The following PTPRD variants were observed in gnomAD, a reference collection of about 807,000 sequenced individuals.
PTPRD encodes receptor-type tyrosine-protein phosphatase delta.
PTPRD carries 34 observed loss-of-function variants against 214.5 expected under a neutral mutation model. That is an observed-to-expected ratio of 0.16 (90% CI 0.12 to 0.21). The LOEUF is 0.21. Ranked by LOEUF, PTPRD falls within the 10% of genes least tolerant of loss-of-function variation. PTPRD has a pLI of 1.00. For synonymous variants in PTPRD, 1,128 were observed against 845.7 expected (o/e 1.33, Z -5.79); for missense variants, 2,545 against 2,398.7 (o/e 1.06, Z -1.27).
chr9:9,154,115 T>C (rs770189281), intron 10 of PTPRD, among the ~76,000 whole-genome samples: 3 of 152,142 alleles, frequency 2.0e-5, no homozygotes, highest in African/African-American at 4.8e-5. Context: ...ATGAGAAATG[T>C]ATGATCCTGG....
chr9:8,761,451 G>GTT (rs1293207683), intron 11 of PTPRD, among the ~76,000 whole-genome samples: 1 of 152,070 alleles, frequency 6.6e-6, no homozygotes, highest in African/African-American at 2.4e-5. Context: ...ACACAATATG[G>GTT]TTACTGTTTA....
intron 6 of PTPRD, among the ~76,000 whole-genome samples, chr9:9,764,365 TGA>T (rs1194141920): frequency 6.6e-6 from 1 of 152,200 alleles, no homozygotes; most frequent in Non-Finnish European, 1.5e-5. Flanking sequence ...CCCTTATGTA[TGA>T]CACACAAATC....
intron 8 of PTPRD, among the ~76,000 whole-genome samples, chr9:9,544,871 C>A (rs529297301): frequency 1.5e-3 from 227 of 150,564 alleles, no homozygotes; most frequent in African/African-American, 5.2e-3. Context: ...GAAATCTGAG[C>A]AAATTCTAGC....
At chr9:9,100,557 C>A (rs535521395) in intron 10 of PTPRD, among the ~76,000 whole-genome samples, 19 of 152,178 alleles carry the variant, frequency 1.2e-4, no homozygotes, top group African/African-American at 4.3e-4. Context: ...ATTGTTCAAG[C>A]AGATCATAGC....
intron 3 of PTPRD, among the ~76,000 whole-genome samples, chr9:10,118,851 G>A (rs1431054325): frequency 1.5e-5 from 2 of 132,196 alleles, no homozygotes; most frequent in Admixed American, 1.5e-4. Context: ...AGGTAAAGAA[G>A]CTGGGAAATA....
At chr9:10,295,933 A>G (rs1331705241) in intron 3 of PTPRD, among the ~76,000 whole-genome samples, 1 of 152,052 alleles carries the variant, frequency 6.6e-6, no homozygotes, top group Non-Finnish European at 1.5e-5. Context: ...ATCTCAGACT[A>G]ACTGTCCACA....
intron 11 of PTPRD, among the ~76,000 whole-genome samples, chr9:8,835,084 G>A (rs2097385662): frequency 6.6e-6 from 1 of 152,180 alleles, no homozygotes; most frequent in South Asian, 2.1e-4. Context: ...AAAGACAGTG[G>A]CATGGATTCA....
rs371549517 is a variant in PTPRD at position 10,181,997 on chromosome 9, T to C, written c.-544-148207A>G. Among the ~76,000 whole-genome samples, 103 of 143,130 alleles carry C rather than the reference T, an allele frequency of 7.2e-4. 2 individuals carry two copies. The South Asian group carries it at 0.02, about 28-fold the overall frequency. The allele number at this position is 143,130 out of a possible 152,430, so 93.9% of individuals were successfully genotyped here. Reference sequence around the variant, plus strand: ...ATGGCTGGGTGCAGTGGCTCACGCCTGTAATCCCAGCACTTTGTGAGGCCA... The same window carrying C: ...ATGGCTGGGTGCAGTGGCTCACGCCCGTAATCCCAGCACTTTGTGAGGCCA... On this transcript the variant is annotated intron_variant, in intron 3 of 45. Transcript: ENST00000381196.
chr9:8,392,221 A>C (rs1012293494), intron 36 of PTPRD, among the ~76,000 whole-genome samples: 12 of 152,166 alleles, frequency 7.9e-5, no homozygotes, highest in Non-Finnish European at 1.6e-4. Flanking sequence ...CTGTCTCTAC[A>C]AAAAAATAAA....
At chr9:10,218,674 G>C (rs1406291779) in intron 3 of PTPRD, among the ~76,000 whole-genome samples, 1 of 151,738 alleles carries the variant, frequency 6.6e-6, no homozygotes, top group Non-Finnish European at 1.5e-5. Context: ...AATAATTGGA[G>C]AGTATACTCC....
chr9:9,174,370 A>G (rs1171879068), intron 10 of PTPRD, among the ~76,000 whole-genome samples: 2 of 152,324 alleles, frequency 1.3e-5, no homozygotes, highest in South Asian at 2.1e-4. Flanking sequence ...GACAGAAATC[A>G]TCACAACTAT....
chr9:9,320,393 G>C (rs917499764), intron 9 of PTPRD, among the ~76,000 whole-genome samples: 1 of 152,062 alleles, frequency 6.6e-6, no homozygotes, highest in Admixed American at 6.6e-5. Flanking sequence ...TACACAAAAA[G>C]TTAAGCCTAT....
At chr9:9,787,431 A>G (rs2098933342) in intron 5 of PTPRD, among the ~76,000 whole-genome samples, 1 of 151,772 alleles carries the variant, frequency 6.6e-6, no homozygotes, top group African/African-American at 2.4e-5. Flanking sequence ...AAAAAAAAAA[A>G]AAAAAGGCCA....
At chr9:9,487,255 C>T (rs1023105708) in intron 8 of PTPRD, among the ~76,000 whole-genome samples, 9 of 151,748 alleles carry the variant, frequency 5.9e-5, no homozygotes, top group Non-Finnish European at 1.3e-4. Flanking sequence ...GTTCCCCTTC[C>T]TGTGTCCAAG....
chr9:9,421,923 G>C (rs756325442), intron 8 of PTPRD, among the ~76,000 whole-genome samples: 9 of 151,030 alleles, frequency 6.0e-5, no homozygotes, highest in Admixed American at 3.3e-4. Flanking sequence ...GAAAAGAATG[G>C]AGAATAAAAA....
At chr9:8,404,699 C>T (rs1354644345) in intron 35 of PTPRD, 39 bp from the exon 36 acceptor site, 17 of 1,571,562 alleles carry the variant, frequency 1.1e-5, no homozygotes, top group Non-Finnish European at 1.4e-5. Flanking sequence ...AAAATCAATA[C>T]TGAAAACCAC....
chr9:9,589,476 T>C (rs1335829546), intron 7 of PTPRD, among the ~76,000 whole-genome samples: 1 of 152,050 alleles, frequency 6.6e-6, no homozygotes, highest in African/African-American at 2.4e-5. Flanking sequence ...CTGGTGTTTC[T>C]GATTCCTCAG....
At chr9:8,678,773 T>C (rs2154370636) in intron 12 of PTPRD, among the ~76,000 whole-genome samples, 1 of 152,260 alleles carries the variant, frequency 6.6e-6, no homozygotes, top group South Asian at 2.1e-4. Flanking sequence ...TGGCCACAGA[T>C]ACATAAAAAC....
chr9:10,028,246 C>T (rs2096969503), intron 4 of PTPRD, among the ~76,000 whole-genome samples: 1 of 152,180 alleles, frequency 6.6e-6, no homozygotes, highest in African/African-American at 2.4e-5. Flanking sequence ...GCCTCCCCAG[C>T]CATGTGGAAC....
Sources: gnomAD v4.1 joint callset for allele counts (sites outside exome capture counted in the v4.1 genomes callset) on GRCh38, gnomAD v4.1.1 for gene constraint, MANE v1.5 for transcripts, NCBI Gene and HGNC (gene_info 2026-07-23, HGNC 2026-07-21) for gene names.